LRRC18: variants seen among roughly 807,000 people sequenced by gnomAD.
The protein encoded by LRRC18 is leucine rich repeat containing 18.
LRRC18 carries 12 observed loss-of-function variants against 11.2 expected under a neutral mutation model. The ratio of observed to expected loss-of-function variants is 1.07; its 90% CI spans 0.69 to 1.74. LRRC18 has a LOEUF of 1.74. Among genes scored for constraint, LRRC18 ranks in the 40% most tolerant of loss-of-function variants. The pLI is 0.00. For synonymous variants in LRRC18, 155 were observed against 130.6 expected (o/e 1.19, Z -1.27); for missense variants, 374 against 330.5 (o/e 1.13, Z -1.02).
the LRRC18 span, among the ~76,000 whole-genome samples, chr10:48,930,790 C>T: frequency 6.6e-6 from 1 of 150,904 alleles, no homozygotes; most frequent in Non-Finnish European, 1.5e-5. Flanking sequence ...GAAACTAAAA[C>T]AAAAAAAAAT....
chr10:48,909,627 AAG>A (rs763676506), exon 2 of LRRC18: 2 of 152,048 alleles, frequency 1.3e-5, no homozygotes, highest in Non-Finnish European at 2.9e-5. Context: ...TAGTGAGAGG[AAG>A]AGAGAGAGAG....
the LRRC18 span, among the ~76,000 whole-genome samples, chr10:48,926,263 C>T: frequency 2.0e-5 from 3 of 152,218 alleles, no homozygotes; most frequent in African/African-American, 7.2e-5. Context: ...TGGCCCCAGG[C>T]CCCAGGAAGG....
At chr10:48,914,048 C>T in exon 1 of LRRC18, 1 of 1,614,232 alleles carries the variant, frequency 6.2e-7, no homozygotes, top group Non-Finnish European at 8.5e-7. Flanking sequence ...TAATTCCCAT[C>T]TTGCTCAAGT....
At position 48,913,064 on chromosome 10, in the gene LRRC18, C is replaced by T. The variant is rs74716021; in HGVS notation, c.764+328G>A. Reference sequence around the variant, plus strand: ...AATGCCAGTGATAGTGAGTGTGTGGCGGCATTAGCTGCTTAGGCCACAGTG... The same window carrying T: ...AATGCCAGTGATAGTGAGTGTGTGGTGGCATTAGCTGCTTAGGCCACAGTG... On this transcript the variant is annotated intron_variant, in intron 1 of 1. Coordinates refer to ENST00000374160, the Ensembl canonical transcript of LRRC18. 7.5e-3 allele frequency among the ~76,000 whole-genome samples: 1,135 copies of T among 152,184 alleles called. 21 individuals carry two copies. The highest frequency in any genetic ancestry group is 0.026 in the African/African-American group (1,089 of 41,490).
At chr10:48,915,044 T>C (rs1240046876), upstream of LRRC18, among the ~76,000 whole-genome samples, 6 of 152,176 alleles carry the variant, frequency 3.9e-5, no homozygotes, top group South Asian at 1.2e-3. Flanking sequence ...GATTCTGGCT[T>C]CTGCATGCTT....
At chr10:48,918,483 CA>C (rs1255646563), upstream of LRRC18, among the ~76,000 whole-genome samples, 1 of 151,990 alleles carries the variant, frequency 6.6e-6, no homozygotes, top group East Asian at 1.9e-4. Flanking sequence ...GAAGTAAGAC[CA>C]TTACTTATTA....
chr10:48,932,004 G>A, the LRRC18 span, among the ~76,000 whole-genome samples: 1 of 152,206 alleles, frequency 6.6e-6, no homozygotes, highest in Non-Finnish European at 1.5e-5. Context: ...TAGGCTGCAG[G>A]GAGCATGGGA....
upstream of LRRC18, among the ~76,000 whole-genome samples, chr10:48,916,894 TG>T (rs1165418341): frequency 6.6e-6 from 1 of 151,974 alleles, no homozygotes; most frequent in African/African-American, 2.4e-5. Flanking sequence ...TGTGTGTGTG[TG>T]TGTGTGTGTG....
At chr10:48,918,830 C>T (rs11101565), upstream of LRRC18, among the ~76,000 whole-genome samples, 40,115 of 152,130 alleles carry the variant, frequency 0.26, 6,120 homozygotes, top group East Asian at 0.6. Context: ...CCAGAAGATT[C>T]TACCCACTGG....
upstream of LRRC18, among the ~76,000 whole-genome samples, chr10:48,916,514 G>A (rs970667605): frequency 6.6e-6 from 1 of 152,174 alleles, no homozygotes; most frequent in Non-Finnish European, 1.5e-5. Flanking sequence ...CTCAGAGCTG[G>A]GGGGTTGCTT....
chr10:48,939,771 T>C, the LRRC18 span, among the ~76,000 whole-genome samples: 1 of 152,262 alleles, frequency 6.6e-6, no homozygotes, highest in Admixed American at 6.5e-5. Flanking sequence ...CTGGAACTGC[T>C]GGTAATGGCG....
chr10:48,914,925 C>G (rs1213275098), upstream of LRRC18, among the ~76,000 whole-genome samples: 1 of 152,178 alleles, frequency 6.6e-6, no homozygotes, highest in Non-Finnish European at 1.5e-5. Flanking sequence ...CATCTCCTGC[C>G]CATTCTCTCA....
At chr10:48,924,334 G>T in the LRRC18 span, among the ~76,000 whole-genome samples, 4 of 152,244 alleles carry the variant, frequency 2.6e-5, no homozygotes, top group East Asian at 7.7e-4. Flanking sequence ...AGCAGACCCA[G>T]TGCCAGAAGC....
chr10:48,911,355 C>T (rs535896856), intron 1 of LRRC18, among the ~76,000 whole-genome samples: 42 of 152,288 alleles, frequency 2.8e-4, no homozygotes, highest in African/African-American at 9.6e-4. Context: ...CTTTTATGAG[C>T]TACTTGATGG....
intron 1 of LRRC18, among the ~76,000 whole-genome samples, chr10:48,911,416 T>C (rs900634232): frequency 2.0e-5 from 3 of 152,226 alleles, no homozygotes; most frequent in Non-Finnish European, 4.4e-5. Flanking sequence ...ATATTTCCAA[T>C]AATGAGGCTA....
At chr10:48,919,957 A>G in the LRRC18 span, among the ~76,000 whole-genome samples, 2 of 152,238 alleles carry the variant, frequency 1.3e-5, no homozygotes, top group Non-Finnish European at 1.5e-5. Context: ...CATATAAGAA[A>G]GAGATCTTCA....
At chr10:48,922,105 G>T in the LRRC18 span, among the ~76,000 whole-genome samples, 1 of 152,110 alleles carries the variant, frequency 6.6e-6, no homozygotes, top group African/African-American at 2.4e-5. Flanking sequence ...CTGTACAGTA[G>T]TCCCCCTTAT....
the LRRC18 span, among the ~76,000 whole-genome samples, chr10:48,930,134 G>A: frequency 7.2e-5 from 11 of 152,048 alleles, no homozygotes; most frequent in East Asian, 1.9e-4. Flanking sequence ...CAGTCTAAGC[G>A]CTTACAAGGT....
the LRRC18 span, among the ~76,000 whole-genome samples, chr10:48,929,928 T>C: frequency 6.6e-6 from 1 of 152,182 alleles, no homozygotes; most frequent in African/African-American, 2.4e-5. Flanking sequence ...TGCCCCTTAT[T>C]TCTCTGCACT....
Sources: allele counts gnomAD v4.1 joint callset (sites outside exome capture counted in the v4.1 genomes callset), GRCh38; gene constraint gnomAD v4.1.1; transcripts MANE v1.5; gene names NCBI Gene and HGNC (gene_info 2026-07-23, HGNC 2026-07-21).